The following IQUB variants were observed in gnomAD, a reference collection of about 807,000 sequenced individuals.
The protein encoded by IQUB is IQ motif and ubiquitin-like domain-containing protein.
IQUB carries 86 observed loss-of-function variants against 86.4 expected under a neutral mutation model. That is an observed-to-expected ratio of 1.00 (90% CI 0.84 to 1.19). IQUB has a LOEUF of 1.19. Ranked by LOEUF, IQUB falls within the 50% of genes most tolerant of loss-of-function variation. IQUB has a pLI of 0.00. For missense variants in IQUB, 946 were observed against 916.9 expected (o/e 1.03, Z -0.41); for synonymous variants, 289 against 304.5 (o/e 0.95, Z 0.53).
intron 9 of IQUB, among the ~76,000 whole-genome samples, chr7:123,465,489 T>C (rs752441748): frequency 6.6e-5 from 10 of 152,020 alleles, no homozygotes; most frequent in Non-Finnish European, 1.5e-4. Context: ...TAATATTTGT[T>C]AAACTGTACG....
chr7:123,461,695 C>T, intron 10 of IQUB, 90 bp from the exon 11 acceptor site: 1 of 1,098,648 alleles, frequency 9.1e-7, no homozygotes, highest in Non-Finnish European at 1.2e-6. Flanking sequence ...CAAAGGCTAA[C>T]TTACTTATCT....
At chr7:123,495,133 T>C (rs1795652613) in intron 7 of IQUB, among the ~76,000 whole-genome samples, 1 of 152,070 alleles carries the variant, frequency 6.6e-6, no homozygotes, top group Non-Finnish European at 1.5e-5. Context: ...AAGTGAAGTT[T>C]AAAGTAAAAT....
Position 123,464,993 on chromosome 7 carries a change from A to G in IQUB, c.1598T>C (p.Leu533Pro). 6.3e-7 allele frequency: 1 copy of G among 1,588,342 alleles called. No individual in the cohort carries two copies. Among genetic ancestry groups the G allele is most frequent in the South Asian group, 1.2e-5 (1 of 86,850 alleles). Reference sequence around the variant, plus strand: ...AATCAATTCTAGAATTTCCTGAGTTAGTTTACATTCATGTTCCTATATAAA... The same window carrying G: ...AATCAATTCTAGAATTTCCTGAGTTGGTTTACATTCATGTTCCTATATAAA... ...KHTVKEHECKLTQEILELIDR... is the reference protein window; with the variant it reads ...KHTVKEHECKPTQEILELIDR... The change falls in exon 10 of 13, where the codon CTA becomes CCA. Residue 533 changes from leucine (L) to proline (P), a missense_variant. Leu to Pro is a moderately conservative substitution (Grantham distance 98, BLOSUM62 -3). Transcript: ENST00000324698.
In IQUB at chr7:123,471,934, G is replaced by A. The variant is rs559735764; in HGVS notation, c.1411-2550C>T. Among the ~76,000 whole-genome samples, 3 of 152,208 alleles carry A rather than the reference G, an allele frequency of 2.0e-5. No individual in the cohort carries two copies. The South Asian group carries it at 6.2e-4, about 32-fold the overall frequency. On this transcript the variant is annotated intron_variant, in intron 8 of 12. Transcript: ENST00000324698. ...TTTGCTAACTCCATTTCTCCCAAAA[G>A]AGTATGAGAAATAAATTTCTCGGCC...
At chr7:123,457,966 G>C (rs562777344) in intron 11 of IQUB, 11 of 164,664 alleles carry the variant, frequency 6.7e-5, no homozygotes, top group Admixed American at 5.9e-4. Flanking sequence ...TTTTACAAAT[G>C]AGGAAGCTGA....
intron 12 of IQUB, among the ~76,000 whole-genome samples, chr7:123,455,263 G>A (rs927621488): frequency 6.6e-6 from 1 of 151,970 alleles, no homozygotes; most frequent in Admixed American, 6.6e-5. Flanking sequence ...CTAGCTATTT[G>A]AAACCATATA....
chr7:123,455,661 C>T (rs2116933220), intron 12 of IQUB, among the ~76,000 whole-genome samples: 1 of 152,210 alleles, frequency 6.6e-6, no homozygotes, highest in East Asian at 1.9e-4. Context: ...TTTCTCCCAG[C>T]TCATGAATGG....
At position 123,457,495 on chromosome 7, in the gene IQUB, G is replaced by A. The variant is rs189122791; in HGVS notation, c.2079C>T (p.Leu693=). ...SQSVLSACDN[L]SDLVMVRWNK... ...TCCATCTGACCATGACCAGATCACT[G>A]AGATTGTCGCAAGCACTGAGGACTG... Residue 693 remains leucine (L), a synonymous_variant, in exon 12 of 13, where the codon CTC becomes CTT. Coordinates refer to ENST00000324698, the MANE Select transcript of IQUB (RefSeq NM_178827.5). 1 of 1,611,454 alleles carries A rather than the reference G, an allele frequency of 6.2e-7. No individual in the cohort carries two copies. Among genetic ancestry groups the A allele is most frequent in the East Asian group, 2.2e-5 (1 of 44,752 alleles).
At position 123,461,292 on chromosome 7, in the gene IQUB, A is replaced by C. The variant is rs1457369879; in HGVS notation, c.2007+65T>G. 2.0e-6 allele frequency: 3 copies of C among 1,468,466 alleles called. No homozygotes were observed. The Admixed American group carries it at 5.7e-5, about 28-fold the overall frequency. 91.0% of individuals were successfully genotyped at this position (1,468,466 alleles called of 1,614,324 possible). A position where few individuals can be genotyped will look rare whatever the true frequency, so the allele number is the denominator to read the frequency against. ...ATCACACACACACACACAAACATAC[A>C]TAAGATTGCAAGATAGCCTCCTTGA... On this transcript the variant is annotated intron_variant, in intron 11 of 12. Transcript: ENST00000324698.
chr7:123,508,089 A>C (rs1202764966), intron 3 of IQUB, among the ~76,000 whole-genome samples: 3 of 152,156 alleles, frequency 2.0e-5, no homozygotes, highest in African/African-American at 7.2e-5. Flanking sequence ...TATTAGAGGA[A>C]GGAAGAGGAA....
chr7:123,473,376 G>C (rs534200914), intron 8 of IQUB, among the ~76,000 whole-genome samples: 1 of 152,252 alleles, frequency 6.6e-6, no homozygotes, highest in Admixed American at 6.5e-5. Context: ...TGTGAATAGT[G>C]TACAAATCAA....
chr7:123,529,241 T>G lies in IQUB; in HGVS notation c.-5+5251A>C, dbSNP rs540791705. Among the ~76,000 whole-genome samples the G allele has an allele frequency of 2.8e-4, 42 of 152,200 alleles. 1 individual carries two copies. The South Asian group carries it at 2.9e-3, about 10-fold the overall frequency. ...TATAAAGCTACAATTATATAATATA[T>G]ATACATTTAAATTTGTTTATGATCA... On this transcript the variant is annotated intron_variant, in intron 1 of 12. Coordinates refer to ENST00000324698, the MANE Select transcript of IQUB (RefSeq NM_178827.5).
chr7:123,529,544 C>T (rs948053404), intron 1 of IQUB, among the ~76,000 whole-genome samples: 4 of 150,008 alleles, frequency 2.7e-5, no homozygotes, highest in East Asian at 2.0e-4. Context: ...TGTTAAAGAT[C>T]GAACTTTTAA....
chr7:123,478,137 A>G (rs1584576169), intron 8 of IQUB, among the ~76,000 whole-genome samples: 1 of 152,320 alleles, frequency 6.6e-6, no homozygotes, highest in Admixed American at 6.5e-5. Context: ...AGACACATGC[A>G]CATGTATGTT....
At chr7:123,514,077 T>C (rs1198760835) in intron 1 of IQUB, among the ~76,000 whole-genome samples, 2 of 152,228 alleles carry the variant, frequency 1.3e-5, no homozygotes, top group African/African-American at 4.8e-5. Context: ...TTAATAGTCA[T>C]ATACATTGTA....
intron 8 of IQUB, among the ~76,000 whole-genome samples, chr7:123,479,264 T>C (rs79804209): frequency 0.016 from 2,425 of 152,252 alleles, 62 homozygotes; most frequent in African/African-American, 0.055. Context: ...ACAAAAGTGG[T>C]AATTACTTTA....
At chr7:123,480,503 T>C (rs923279337) in intron 7 of IQUB, among the ~76,000 whole-genome samples, 8 of 152,128 alleles carry the variant, frequency 5.3e-5, no homozygotes, top group African/African-American at 1.4e-4. Context: ...GAGTCAATTG[T>C]TGGGCTGGCT....
chr7:123,460,828 T>C (rs577851648), intron 11 of IQUB, among the ~76,000 whole-genome samples: 1 of 151,970 alleles, frequency 6.6e-6, no homozygotes, highest in African/African-American at 2.4e-5. Flanking sequence ...CTCACAGAGC[T>C]AGAAGTTCTT....
chr7:123,527,285 T>G (rs1452671261), intron 1 of IQUB, among the ~76,000 whole-genome samples: 2 of 152,222 alleles, frequency 1.3e-5, no homozygotes, highest in African/African-American at 4.8e-5. Flanking sequence ...TCGGAGTAAT[T>G]TGATCGTCTG....
Sources: allele counts gnomAD v4.1 joint callset (sites outside exome capture counted in the v4.1 genomes callset), GRCh38; gene constraint gnomAD v4.1.1; transcripts MANE v1.5; gene names NCBI Gene and HGNC (gene_info 2026-07-23, HGNC 2026-07-21).